The following SHISA6 variants were observed in gnomAD, a reference collection of about 807,000 sequenced individuals.
The protein encoded by SHISA6 is shisa family member 6, also known as protein shisa-6.
In SHISA6, 22 loss-of-function variants were observed where a neutral mutation model predicts 47.9. That is an observed-to-expected ratio of 0.46 (90% CI 0.33 to 0.66). The LOEUF is 0.66. Among genes scored for constraint, SHISA6 ranks in the 30% least tolerant of loss-of-function variants. The pLI, the probability that SHISA6 is intolerant of heterozygous loss-of-function variation, is 0.02. For synonymous variants in SHISA6, 388 were observed against 337.8 expected, an observed-to-expected ratio of 1.15 and a Z score of -1.63; for missense variants, 680 against 764.6, an observed-to-expected ratio of 0.89 and a Z score of 1.30.
At chr17:11,422,390 G>T (rs1914472499) in intron 3 of SHISA6, among the ~76,000 whole-genome samples, 1 of 152,212 alleles carries the variant, frequency 6.6e-6, no homozygotes, top group Non-Finnish European at 1.5e-5. Flanking sequence ...AGTCAGCTAA[G>T]CCAGTGGAAT....
At chr17:11,360,163 G>A (rs1052023928) in intron 2 of SHISA6, among the ~76,000 whole-genome samples, 1 of 152,180 alleles carries the variant, frequency 6.6e-6, no homozygotes, top group African/African-American at 2.4e-5. Flanking sequence ...CATGTCCTTT[G>A]CAGGGACATG....
At chr17:11,546,515 G>A (rs1486043432) in intron 3 of SHISA6, among the ~76,000 whole-genome samples, 1 of 152,190 alleles carries the variant, frequency 6.6e-6, no homozygotes, top group Non-Finnish European at 1.5e-5. Context: ...AGAAAGGTTA[G>A]ATATAAAAGG....
intron 2 of SHISA6, among the ~76,000 whole-genome samples, chr17:11,366,692 C>T (rs1269845131): frequency 1.1e-4 from 17 of 152,092 alleles, no homozygotes. Flanking sequence ...TGAAATGAAG[C>T]TTGCAAATCG....
chr17:11,464,528 C>T (rs936443922), intron 3 of SHISA6, among the ~76,000 whole-genome samples: 2 of 152,216 alleles, frequency 1.3e-5, no homozygotes, highest in African/African-American at 4.8e-5. Context: ...CCTGTCTATA[C>T]ACACCCACGT....
intron 3 of SHISA6, among the ~76,000 whole-genome samples, chr17:11,510,383 C>G (rs540290709): frequency 6.6e-6 from 1 of 152,116 alleles, no homozygotes; most frequent in Non-Finnish European, 1.5e-5. Flanking sequence ...TAGCCTGTAT[C>G]GTTGCTTCAG....
intron 3 of SHISA6, among the ~76,000 whole-genome samples, chr17:11,422,160 C>T (rs1303065613): frequency 6.6e-6 from 1 of 152,204 alleles, no homozygotes; most frequent in Non-Finnish European, 1.5e-5. Flanking sequence ...GCCACACTCT[C>T]AGGCTGAGCA....
chr17:11,361,642 C>A (rs1912291210), intron 2 of SHISA6, among the ~76,000 whole-genome samples: 1 of 152,210 alleles, frequency 6.6e-6, no homozygotes, highest in Non-Finnish European at 1.5e-5. Context: ...GGTTAACAAC[C>A]ATTCAGCACT....
chr17:11,492,451 T>C (rs929624495), intron 3 of SHISA6, among the ~76,000 whole-genome samples: 3 of 152,182 alleles, frequency 2.0e-5, no homozygotes, highest in Non-Finnish European at 4.4e-5. Context: ...AGCTCTCCTT[T>C]TACCAGCAGT....
chr17:11,316,421 T>C (rs28436861), intron 2 of SHISA6, among the ~76,000 whole-genome samples: 215 of 32,608 alleles, frequency 6.6e-3, no homozygotes, highest in African/African-American at 0.026. Context: ...CTCTCTCTCT[T>C]TTTTTTTTTT....
At chr17:11,395,750 TC>T (rs1913550996) in intron 3 of SHISA6, among the ~76,000 whole-genome samples, 1 of 152,122 alleles carries the variant, frequency 6.6e-6, no homozygotes, top group Non-Finnish European at 1.5e-5. Flanking sequence ...ACTCCTGATC[TC>T]AAGTGATCTA....
At chr17:11,312,155 G>T (rs1490110114) in intron 2 of SHISA6, among the ~76,000 whole-genome samples, 3 of 151,852 alleles carry the variant, frequency 2.0e-5, no homozygotes, top group Non-Finnish European at 4.4e-5. Flanking sequence ...CTAAGTTTAG[G>T]ACTTATTTAT....
intron 3 of SHISA6, among the ~76,000 whole-genome samples, chr17:11,489,678 A>G (rs1916428189): frequency 1.3e-5 from 2 of 152,154 alleles, no homozygotes; most frequent in South Asian, 4.1e-4. Flanking sequence ...CAGATGCTCA[A>G]ATGAGAAGCC....
intron 3 of SHISA6, among the ~76,000 whole-genome samples, chr17:11,387,873 G>C (rs909496718): frequency 1.5e-4 from 23 of 152,270 alleles, no homozygotes; most frequent in African/African-American, 5.1e-4. Flanking sequence ...TATCTCCTCA[G>C]CCCTTTCTGC....
At chr17:11,312,920 G>A (rs1469712618) in intron 2 of SHISA6, among the ~76,000 whole-genome samples, 2 of 152,050 alleles carry the variant, frequency 1.3e-5, no homozygotes, top group African/African-American at 4.8e-5. Flanking sequence ...CTTTTTATAG[G>A]TAAAGGCGTT....
At chr17:11,468,050 A>G (rs1355851417) in intron 3 of SHISA6, among the ~76,000 whole-genome samples, 1 of 152,046 alleles carries the variant, frequency 6.6e-6, no homozygotes, top group Non-Finnish European at 1.5e-5. Context: ...TTTAATTTAT[A>G]TTTTTAATTT....
At chr17:11,298,975 G>A (rs908889472) in intron 2 of SHISA6, among the ~76,000 whole-genome samples, 3 of 152,190 alleles carry the variant, frequency 2.0e-5, no homozygotes, top group Non-Finnish European at 4.4e-5. Flanking sequence ...TTTGGGTCTA[G>A]TCTATTAGGT....
chr17:11,493,186 A>C (rs2071379299), intron 3 of SHISA6, among the ~76,000 whole-genome samples: 1 of 152,148 alleles, frequency 6.6e-6, no homozygotes, highest in South Asian at 2.1e-4. Flanking sequence ...ACTTAGCCAA[A>C]TAGGACTCCT....
At chr17:11,554,569 C>T (rs1051248110) in intron 4 of SHISA6, among the ~76,000 whole-genome samples, 4 of 152,134 alleles carry the variant, frequency 2.6e-5, no homozygotes, top group Non-Finnish European at 4.4e-5. Flanking sequence ...CACATTCGAC[C>T]GAAGTTAGAG....
intron 3 of SHISA6, among the ~76,000 whole-genome samples, chr17:11,468,719 C>T (rs951379874): frequency 6.6e-6 from 1 of 152,088 alleles, no homozygotes; most frequent in South Asian, 2.1e-4. Context: ...CTACCATTTC[C>T]TTAGAAGATA....
Sources: allele counts gnomAD v4.1 joint callset (sites outside exome capture counted in the v4.1 genomes callset), GRCh38; gene constraint gnomAD v4.1.1; transcripts MANE v1.5; gene names NCBI Gene and HGNC (gene_info 2026-07-23, HGNC 2026-07-21).